Variants in CNGB3 observed in about 807,000 individuals in gnomAD.
CNGB3 encodes cyclic nucleotide gated channel subunit beta 3.
A neutral mutation model predicts 92.8 loss-of-function variants in CNGB3; 86 were observed. The observed-to-expected ratio is 0.93, with a 90% CI of 0.78 to 1.11. The LOEUF is 1.11. CNGB3 is among the 50% of genes least tolerant of loss of function. The pLI is 0.00. For synonymous variants in CNGB3, 333 were observed against 332.7 expected, an observed-to-expected ratio of 1.00 and a Z score of -0.01; for missense variants, 1,026 against 956.8, an observed-to-expected ratio of 1.07 and a Z score of -0.95.
intron 6 of CNGB3, among the ~76,000 whole-genome samples, chr8:86,656,835 G>A (rs1017941827): frequency 1.3e-5 from 2 of 151,916 alleles, no homozygotes; most frequent in African/African-American, 4.8e-5. Context: ...TCTCTGTCCC[G>A]TACTATCAAT....
intron 3 of CNGB3, among the ~76,000 whole-genome samples, chr8:86,689,471 C>A (rs569994315): frequency 6.6e-6 from 1 of 150,648 alleles, no homozygotes; most frequent in South Asian, 2.1e-4. Flanking sequence ...GTGTTGTATG[C>A]ATATATATAC....
chr8:86,644,220 G>T (rs1448578543), intron 9 of CNGB3, among the ~76,000 whole-genome samples: 1 of 151,376 alleles, frequency 6.6e-6, no homozygotes, highest in African/African-American at 2.4e-5. Flanking sequence ...TCTCTGAAAA[G>T]CTCATGAGAC....
rs541293829 is a variant in CNGB3 at position 86,657,387 on chromosome 8, G to T, written c.853-3325C>A. The stretch of plus-strand genomic sequence containing the variant: ...TGCTGACAGTGGCCGGCTTTTAGAT[G>T]ATGGTGATCTTCACCTCATTTCTTG... On this transcript the variant is annotated intron_variant, in intron 6 of 17. Transcript: ENST00000320005. 5.3e-4 allele frequency: 245 copies of T among 462,610 alleles called. 1 individual carries two copies. Among genetic ancestry groups the T allele is most frequent in the Non-Finnish European group, 9.0e-4 (206 of 229,568 alleles). The allele number at this position is 462,610 out of a possible 1,614,324, so 28.7% of individuals were successfully genotyped here. A position where few individuals can be genotyped will look rare whatever the true frequency, so the allele number is the denominator to read the frequency against.
intron 3 of CNGB3, among the ~76,000 whole-genome samples, chr8:86,677,890 G>T (rs1237405065): frequency 6.6e-6 from 1 of 152,086 alleles, no homozygotes; most frequent in East Asian, 1.9e-4. Flanking sequence ...TCTTGTGTTT[G>T]TTCTCTAAAT....
intron 3 of CNGB3, among the ~76,000 whole-genome samples, chr8:86,703,600 G>A (rs553861579): frequency 6.6e-6 from 1 of 152,152 alleles, no homozygotes; most frequent in East Asian, 1.9e-4. Context: ...GCCGTTCTAA[G>A]CAGAGTTCAA....
chr8:86,717,188 A>G (rs777893112), intron 3 of CNGB3, among the ~76,000 whole-genome samples: 32 of 152,176 alleles, frequency 2.1e-4, no homozygotes, highest in Non-Finnish European at 4.3e-4. Flanking sequence ...ATATATATAC[A>G]CCTAAGACTG....
chr8:86,593,979 T>G, intron 15 of CNGB3: 1 of 468,538 alleles, frequency 2.1e-6, no homozygotes, highest in Non-Finnish European at 4.0e-6. Context: ...GAGAACTTGT[T>G]GAACATCATC....
intron 15 of CNGB3, among the ~76,000 whole-genome samples, chr8:86,592,758 G>A (rs1429583418): frequency 6.6e-6 from 1 of 152,130 alleles, no homozygotes; most frequent in Non-Finnish European, 1.5e-5. Context: ...ATTCAATGCT[G>A]AGTAAGGGAT....
intron 2 of CNGB3, among the ~76,000 whole-genome samples, chr8:86,726,881 CAG>C (rs1017510937): frequency 6.6e-6 from 1 of 152,094 alleles, no homozygotes; most frequent in African/African-American, 2.4e-5. Flanking sequence ...TATTTAATGA[CAG>C]AGATATATTC....
intron 15 of CNGB3, among the ~76,000 whole-genome samples, chr8:86,584,907 A>T (rs1821863041): frequency 6.6e-6 from 1 of 152,210 alleles, no homozygotes; most frequent in Admixed American, 6.5e-5. Context: ...AAGTGGGTAA[A>T]AAGGAGAATT....
chr8:86,648,329 A>C (rs1823329430), intron 7 of CNGB3, among the ~76,000 whole-genome samples: 1 of 151,182 alleles, frequency 6.6e-6, no homozygotes, highest in African/African-American at 2.4e-5. Context: ...CTGTGTTCAC[A>C]GTTGATTATA....
rs377121943 is a variant in CNGB3 at position 86,624,018 on chromosome 8, TA to T, written c.1578+1964del. On this transcript the variant is annotated intron_variant, in intron 13 of 17. Transcript: ENST00000320005. ...CTCCCTGCCTTCTACATTTACTTCCTAAGGCCTTTTCTTCACACAGCAGGAA... is the reference window on the plus strand; with the variant it reads ...CTCCCTGCCTTCTACATTTACTTCCTAGGCCTTTTCTTCACACAGCAGGAA... Among the ~76,000 whole-genome samples the T allele has an allele frequency of 7.6e-4, 116 of 152,354 alleles. 1 individual carries two copies. The highest frequency in any genetic ancestry group is 2.6e-3 in the African/African-American group (109 of 41,590).
chr8:86,685,412 T>C (rs889219139), intron 3 of CNGB3, among the ~76,000 whole-genome samples: 2 of 152,066 alleles, frequency 1.3e-5, no homozygotes, highest in African/African-American at 2.4e-5. Context: ...AGTTAATTTA[T>C]ATGCACGTCG....
intron 8 of CNGB3, 151 bp downstream of exon 8, chr8:86,647,650 T>C (rs1823314587): frequency 1.8e-6 from 1 of 563,488 alleles, no homozygotes; most frequent in Non-Finnish European, 3.2e-6. Flanking sequence ...AATTATAGCA[T>C]TGATGAGGGC....
At chr8:86,640,730 A>G (rs546249515) in intron 10 of CNGB3, among the ~76,000 whole-genome samples, 1 of 151,420 alleles carries the variant, frequency 6.6e-6, no homozygotes, top group African/African-American at 2.4e-5. Flanking sequence ...ACAATCATGA[A>G]TCAAAACTTT....
At chr8:86,668,498 A>T (rs918110408) in intron 4 of CNGB3, among the ~76,000 whole-genome samples, 1 of 152,060 alleles carries the variant, frequency 6.6e-6, no homozygotes, top group Non-Finnish European at 1.5e-5. Flanking sequence ...AATCCAAAAA[A>T]CTTGAATTTC....
At chr8:86,650,724 T>C (rs1026258465) in intron 7 of CNGB3, among the ~76,000 whole-genome samples, 1 of 151,458 alleles carries the variant, frequency 6.6e-6, no homozygotes, top group African/African-American at 2.4e-5. Context: ...GGAATGTAAA[T>C]ATGTAAAACT....
chr8:86,643,161 T>G lies in CNGB3; in HGVS notation c.1178+590A>C, dbSNP rs111892164. Among the ~76,000 whole-genome samples, 1,048 of 151,504 alleles carry G rather than the reference T, an allele frequency of 6.9e-3. 10 individuals are homozygous for G. The highest frequency in any genetic ancestry group is 0.024 in the African/African-American group (1,010 of 41,416). On this transcript the variant is annotated intron_variant, in intron 10 of 17. Transcript: ENST00000320005. The stretch of plus-strand genomic sequence containing the variant: ...ACTCTGATATTTTCTATTCTATTAT[T>G]CTCTATCTTCTTTCATTTAAAAATG...
chr8:86,725,654 C>A (rs1825048181), intron 3 of CNGB3, among the ~76,000 whole-genome samples: 1 of 152,122 alleles, frequency 6.6e-6, no homozygotes, highest in South Asian at 2.1e-4. Context: ...GTTCATTCAG[C>A]AATTCCCTGG....
Sources: allele counts gnomAD v4.1 joint callset (sites outside exome capture counted in the v4.1 genomes callset), GRCh38; gene constraint gnomAD v4.1.1; transcripts MANE v1.5; gene names NCBI Gene and HGNC (gene_info 2026-07-23, HGNC 2026-07-21).